The following VWF variants were observed in gnomAD, a reference collection of about 807,000 sequenced individuals.
The protein encoded by VWF is Factor VIII related antigen.
VWF carries 176 observed loss-of-function variants against 308.6 expected under a neutral mutation model. The observed-to-expected ratio is 0.57, with a 90% CI of 0.50 to 0.65. The LOEUF is 0.65. VWF is among the 30% of genes least tolerant of loss of function. VWF has a pLI of 0.00. For missense variants in VWF, 3,146 were observed against 3,648.2 expected (o/e 0.86, Z 3.55); for synonymous variants, 1,385 against 1,443.4 (o/e 0.96, Z 0.92).
chr12:6,073,119 G>A (rs867870565), intron 8 of VWF, among the ~76,000 whole-genome samples: 1 of 152,094 alleles, frequency 6.6e-6, no homozygotes, highest in African/African-American at 2.4e-5. Flanking sequence ...CGCCCATCTC[G>A]GCTTCCAAAA....
At chr12:6,054,787 C>T (rs370883671) in intron 15 of VWF, among the ~76,000 whole-genome samples, 3 of 152,112 alleles carry the variant, frequency 2.0e-5, no homozygotes, top group African/African-American at 7.2e-5. Context: ...ATTGATGTGA[C>T]CTCTTCTTAC....
chr12:6,050,730 C>T (rs1048005629), intron 16 of VWF, among the ~76,000 whole-genome samples: 2 of 152,150 alleles, frequency 1.3e-5, no homozygotes, highest in Admixed American at 6.5e-5. Context: ...GAGGCCGAGG[C>T]GGGCAGATCA....
At chr12:5,968,722 G>A (rs1185511651) in intron 45 of VWF, among the ~76,000 whole-genome samples, 1 of 152,194 alleles carries the variant, frequency 6.6e-6, no homozygotes, top group African/African-American at 2.4e-5. Flanking sequence ...TTGAACCCAG[G>A]AGGCCAAGGT....
intron 16 of VWF, among the ~76,000 whole-genome samples, chr12:6,048,318 C>A (rs889658028): frequency 8.0e-5 from 12 of 149,756 alleles, no homozygotes; most frequent in Admixed American, 2.0e-4. Context: ...CAGGCATGTG[C>A]CACCACACCC....
chr12:6,034,608 C>T (rs988673316), intron 20 of VWF, 80 bp downstream of exon 20: 13 of 1,606,024 alleles, frequency 8.1e-6, no homozygotes, highest in Non-Finnish European at 6.0e-6. Context: ...CAGACAGATC[C>T]ACAGAACCCA....
chr12:6,087,712 A>C (rs1040030928), intron 6 of VWF, among the ~76,000 whole-genome samples: 1 of 152,022 alleles, frequency 6.6e-6, no homozygotes, highest in Non-Finnish European at 1.5e-5. Context: ...GTCTACCCAG[A>C]CACAGTTTGT....
At chr12:6,026,995 G>C (rs1435741778) in intron 22 of VWF, among the ~76,000 whole-genome samples, 1 of 149,724 alleles carries the variant, frequency 6.7e-6, no homozygotes, top group Admixed American at 6.6e-5. Flanking sequence ...AATATACTTA[G>C]AGCCCTGATG....
chr12:6,040,080 G>A lies in VWF; in HGVS notation c.2443-3589C>T, dbSNP rs557999437. Among the ~76,000 whole-genome samples, 9 of 152,296 alleles carry A rather than the reference G, an allele frequency of 5.9e-5. No homozygotes were observed. The South Asian group carries it at 1.9e-3, about 32-fold the overall frequency. On this transcript the variant is annotated intron_variant, in intron 18 of 51. Coordinates refer to ENST00000261405, the MANE Select transcript of VWF (RefSeq NM_000552.5). ...CTCAGTCTCCTCCCGTGTGATAGAA[G>A]GGGCTGACATAATGGGACCTCAGGG...
At position 6,035,654 on chromosome 12, in the gene VWF, A is replaced by T. The variant is rs188854146; in HGVS notation, c.2546+734T>A. On this transcript the variant is annotated intron_variant, in intron 19 of 51. Coordinates refer to ENST00000261405, the MANE Select transcript of VWF (RefSeq NM_000552.5). ...CACGCCACTGCAAGCACACTCACGA[A>T]GTGCTCATGGGCAGTGTAAGGCCTG... Among the ~76,000 whole-genome samples the T allele has an allele frequency of 1.2e-4, 18 of 152,342 alleles. No individual in the cohort carries two copies. The East Asian group carries it at 3.5e-3, about 29-fold the overall frequency.
In VWF at chr12:6,073,622, G is replaced by A. The variant is rs780678562; in HGVS notation, c.994C>T (p.Pro332Ser). Residue 332 changes from proline to serine, a missense_variant, in exon 8 of 52, where the codon CCT (proline) becomes TCT (serine). This residue lies in a region of VWF where 1,304 missense variants were observed against 1,353.0 expected (regional missense o/e 0.96). Coordinates refer to ENST00000261405, the MANE Select transcript of VWF (RefSeq NM_000552.5). ...QERCVDGCSCPEGQLLDEGLC... is the reference protein window; with the variant it reads ...QERCVDGCSCSEGQLLDEGLC... ...AATAAAGTGGGAAGTTCATTACCAG[G>A]GCAGCTGCAGCCATCCACGCATCGC... The A allele has an allele frequency of 6.2e-7, 1 of 1,614,026 alleles. No individual in the cohort carries two copies. Among genetic ancestry groups the A allele is most frequent in the South Asian group, 1.1e-5 (1 of 91,076 alleles).
At chr12:6,044,498 G>A in intron 17 of VWF, 47 bp from the exon 18 acceptor site, 2 of 1,595,164 alleles carry the variant, frequency 1.3e-6, no homozygotes, top group Non-Finnish European at 1.7e-6. Flanking sequence ...GGAGAGAATG[G>A]ACCTACCTTC....
intron 6 of VWF, among the ~76,000 whole-genome samples, chr12:6,076,444 G>C (rs1279036444): frequency 2.6e-5 from 4 of 152,166 alleles, no homozygotes; most frequent in African/African-American, 9.7e-5. Flanking sequence ...GCGATACACA[G>C]AACAATGGTG....
At chr12:6,108,115 G>T (rs1353372806) in intron 5 of VWF, among the ~76,000 whole-genome samples, 1 of 151,750 alleles carries the variant, frequency 6.6e-6, no homozygotes, top group Non-Finnish European at 1.5e-5. Context: ...CCAACATGCT[G>T]AAACCTCATC....
intron 5 of VWF, chr12:6,095,926 C>T (rs142148687): frequency 1.1e-4 from 41 of 360,752 alleles, no homozygotes; most frequent in Non-Finnish European, 2.0e-4. Context: ...CCCCCATCAG[C>T]CTCCCCAGTA....
intron 6 of VWF, among the ~76,000 whole-genome samples, chr12:6,076,847 C>T (rs775529295): frequency 6.6e-6 from 1 of 152,176 alleles, no homozygotes; most frequent in Non-Finnish European, 1.5e-5. Flanking sequence ...TGTTTTGCGG[C>T]GCCACAGAAA....
intron 5 of VWF, among the ~76,000 whole-genome samples, chr12:6,107,911 G>T (rs1565392839): frequency 6.6e-6 from 1 of 152,080 alleles, no homozygotes; most frequent in South Asian, 2.1e-4. Context: ...GCCCACTTCG[G>T]CCTCCCAAAG....
intron 34 of VWF, among the ~76,000 whole-genome samples, chr12:6,011,345 C>G (rs1438711237): frequency 6.6e-6 from 1 of 152,202 alleles, no homozygotes; most frequent in Non-Finnish European, 1.5e-5. Flanking sequence ...TGAGCATTGA[C>G]CTCAGAAAAG....
chr12:6,113,470 T>A (rs1444213535), intron 3 of VWF, among the ~76,000 whole-genome samples: 1 of 152,094 alleles, frequency 6.6e-6, no homozygotes. Context: ...GCTAATTTGT[T>A]GTATTTTTAG....
At chr12:6,067,424 T>C (rs768503947) in intron 10 of VWF, among the ~76,000 whole-genome samples, 7 of 152,198 alleles carry the variant, frequency 4.6e-5, no homozygotes, top group Non-Finnish European at 1.0e-4. Flanking sequence ...CAACGAGAAA[T>C]GTGCAAATAT....
Sources: allele counts gnomAD v4.1 joint callset (sites outside exome capture counted in the v4.1 genomes callset), GRCh38; gene constraint gnomAD v4.1.1; regional missense constraint gnomAD v4.1.1; transcripts MANE v1.5; gene names NCBI Gene and HGNC (gene_info 2026-07-23, HGNC 2026-07-21).